AFAP1: variants seen among roughly 807,000 people sequenced by gnomAD.
AFAP1 encodes the protein actin filament-associated protein 1.
In AFAP1, 75 loss-of-function variants were observed where a neutral mutation model predicts 93.9. The ratio of observed to expected loss-of-function variants is 0.80; its 90% confidence interval spans 0.66 to 0.97. The LOEUF is 0.97. AFAP1 is among the 50% of genes least tolerant of loss of function. AFAP1 has a pLI of 0.00. For missense variants in AFAP1, 1,201 were observed against 1,050.8 expected, an observed-to-expected ratio of 1.14 and a Z score of -1.98; for synonymous variants, 517 against 430.7, an observed-to-expected ratio of 1.20 and a Z score of -2.48.
At chr4:7,870,897 C>G (rs1052208572) in intron 2 of AFAP1, among the ~76,000 whole-genome samples, 1 of 152,122 alleles carries the variant, frequency 6.6e-6, no homozygotes, top group Admixed American at 6.6e-5. Flanking sequence ...TATAAATGAA[C>G]TGTACACTTT....
intron 4 of AFAP1, among the ~76,000 whole-genome samples, chr4:7,848,155 A>C (rs1351894460): frequency 1.1e-5 from 1 of 91,906 alleles, no homozygotes; most frequent in African/African-American, 5.7e-5. Flanking sequence ...GAACAGGTAG[A>C]TGGGTAAGTG....
At chr4:7,809,058 TTTTTG>T (rs1390989666) in intron 9 of AFAP1, among the ~76,000 whole-genome samples, 1 of 74,866 alleles carries the variant, frequency 1.3e-5, no homozygotes, top group Non-Finnish European at 2.1e-5. Flanking sequence ...CTTAGTTTTG[TTTTTG>T]TTTTTTTTTT....
rs540607122 is a variant in AFAP1 at position 7,908,980 on chromosome 4, C to G, written c.-3+30676G>C. On this transcript the variant is annotated intron_variant, in intron 1 of 17. Coordinates refer to ENST00000420658, the MANE Select transcript of AFAP1 (RefSeq NM_001134647.2). ...ACGGTCCAATTATAAAATCCTCTGG[C>G]TACATTCAATTGAAATTCAAGGTAT... Among the ~76,000 whole-genome samples the G allele has an allele frequency of 4.6e-3, 208 of 45,418 alleles. 2 individuals carry two copies. The highest frequency in any genetic ancestry group is 0.027 in the Middle Eastern group (3 of 110). The allele number at this position is 45,418 out of a possible 152,430, so 29.8% of individuals were successfully genotyped here.
chr4:7,903,508 G>A (rs1010935444), intron 1 of AFAP1, among the ~76,000 whole-genome samples: 11 of 152,134 alleles, frequency 7.2e-5, no homozygotes, highest in Non-Finnish European at 2.9e-5. Flanking sequence ...GGGAAACCCC[G>A]TCTCTACTAA....
intron 14 of AFAP1, chr4:7,776,402 G>GTGCA (rs917931885): frequency 2.0e-5 from 3 of 151,948 alleles, no homozygotes; most frequent in African/African-American, 7.3e-5. Flanking sequence ...GTGTGCGTGC[G>GTGCA]TGTGCATGCG....
intron 15 of AFAP1, 32 bp from the exon 16 acceptor site, chr4:7,773,042 G>T: frequency 6.3e-7 from 1 of 1,591,342 alleles, no homozygotes; most frequent in Non-Finnish European, 8.5e-7. Flanking sequence ...TTACTCCCGC[G>T]GCAGGCACAG....
At chr4:7,936,725 G>A (rs575046593) in intron 1 of AFAP1, among the ~76,000 whole-genome samples, 5 of 152,154 alleles carry the variant, frequency 3.3e-5, no homozygotes, top group African/African-American at 9.6e-5. Context: ...GGGACAACAG[G>A]CATGTGCCAC....
chr4:7,839,380 A>ATAT (rs1560191024), intron 5 of AFAP1, among the ~76,000 whole-genome samples: 1 of 112,762 alleles, frequency 8.9e-6, no homozygotes. Flanking sequence ...AACACACACA[A>ATAT]ATATATATTT....
At chr4:7,771,799 G>C (rs889605630) in intron 16 of AFAP1, among the ~76,000 whole-genome samples, 21 of 152,174 alleles carry the variant, frequency 1.4e-4, no homozygotes, top group African/African-American at 4.3e-4. Flanking sequence ...TCTGCAGGCG[G>C]GAGGGAGGTT....
intron 3 of AFAP1, among the ~76,000 whole-genome samples, chr4:7,857,319 T>C (rs1715180581): frequency 6.6e-6 from 1 of 152,182 alleles, no homozygotes; most frequent in African/African-American, 2.4e-5. Flanking sequence ...AGAAGTCCTT[T>C]GTGAATGACT....
intron 4 of AFAP1, among the ~76,000 whole-genome samples, chr4:7,853,296 AAG>A (rs1714671282): frequency 6.6e-6 from 1 of 150,908 alleles, no homozygotes; most frequent in African/African-American, 2.4e-5. Context: ...TCAGCCTAGC[AAG>A]ACTGGAATCA....
Position 7,763,740 on chromosome 4 carries a change from G to A in AFAP1, c.*25C>T, listed in dbSNP as rs1169984140. On this transcript the variant is annotated 3_prime_UTR_variant, in exon 18 of 18. Transcript: ENST00000420658. Reference sequence around the variant, plus strand: ...ACAGGCAAGGGGGTGTGCAGTCTCTGAGGCTGGAGTGGTGCTGCTGTCCCC... The same window carrying A: ...ACAGGCAAGGGGGTGTGCAGTCTCTAAGGCTGGAGTGGTGCTGCTGTCCCC... 6.4e-7 allele frequency: 1 copy of A among 1,551,646 alleles called. No individual in the cohort carries two copies. Among genetic ancestry groups the A allele is most frequent in the South Asian group, 1.2e-5 (1 of 84,046 alleles).
intron 1 of AFAP1, among the ~76,000 whole-genome samples, chr4:7,916,678 T>C (rs184373056): frequency 2.0e-5 from 3 of 152,284 alleles, no homozygotes; most frequent in East Asian, 1.9e-4. Flanking sequence ...TTTGAAACCA[T>C]GGCTGCTCAG....
At chr4:7,801,914 C>CAAAAAAAAAAAAAAAAAAAAAAAAAA (rs531684652) in intron 9 of AFAP1, among the ~76,000 whole-genome samples, 5 of 65,196 alleles carry the variant, frequency 7.7e-5, no homozygotes, top group East Asian at 9.3e-4. Flanking sequence ...GACCCTATCA[C>CAAAAAAAAAAAAAAAAAAAAAAAAAA]AAAAAAAAAA....
At position 7,939,804 on chromosome 4, in the gene AFAP1, C is replaced by A. The variant is rs554071457; in HGVS notation, c.-151G>T. On this transcript the variant is annotated 5_prime_UTR_variant, in exon 1 of 18. Coordinates refer to ENST00000420658, the MANE Select transcript of AFAP1 (RefSeq NM_001134647.2). The surrounding 1 kb of genome is among the most constrained non-coding windows in gnomAD (Gnocchi z 5.6). Reference sequence around the variant, plus strand: ...GCCGCCTCAGCCCGTGTACCCCGCTCGAGATCCGGCTCGGCTCGCGGAGCT... The same window carrying A: ...GCCGCCTCAGCCCGTGTACCCCGCTAGAGATCCGGCTCGGCTCGCGGAGCT... The A allele has an allele frequency of 2.1e-5, 7 of 331,050 alleles. No individual in the cohort carries two copies. The highest frequency in any genetic ancestry group is 3.5e-5 in the Non-Finnish European group (6 of 173,548). The allele number at this position is 331,050 out of a possible 1,614,324, so 20.5% of individuals were successfully genotyped here.
intron 8 of AFAP1, among the ~76,000 whole-genome samples, chr4:7,810,312 G>A (rs1158841065): frequency 6.6e-6 from 1 of 152,200 alleles, no homozygotes; most frequent in African/African-American, 2.4e-5. Flanking sequence ...AAGAGCAGCC[G>A]GGCGGTCAGA....
intron 6 of AFAP1, among the ~76,000 whole-genome samples, chr4:7,827,687 C>T (rs1721557185): frequency 6.6e-6 from 1 of 150,766 alleles, no homozygotes; most frequent in Non-Finnish European, 1.5e-5. Flanking sequence ...AGAAGCACAA[C>T]CAACCCTGAG....
At chr4:7,864,798 G>C (rs1716221293) in intron 3 of AFAP1, among the ~76,000 whole-genome samples, 1 of 152,178 alleles carries the variant, frequency 6.6e-6, no homozygotes, top group Non-Finnish European at 1.5e-5. Flanking sequence ...GATTCTCTGA[G>C]ATGCTTTAGA....
chr4:7,908,882 T>TA (rs1719573147), intron 1 of AFAP1, among the ~76,000 whole-genome samples: 1 of 151,996 alleles, frequency 6.6e-6, no homozygotes, highest in African/African-American at 2.4e-5. Flanking sequence ...GAAGTCACCA[T>TA]AAAGGTGCAC....
Sources: allele counts gnomAD v4.1 joint callset (sites outside exome capture counted in the v4.1 genomes callset), GRCh38; gene constraint gnomAD v4.1.1; non-coding constraint Gnocchi (gnomAD v3.1); transcripts MANE v1.5; gene names NCBI Gene and HGNC (gene_info 2026-07-23, HGNC 2026-07-21).